Variants in MTA3 observed in about 807,000 individuals in gnomAD.
MTA3 encodes the protein metastasis-associated protein MTA3.
In MTA3, 34 loss-of-function variants were observed where a neutral mutation model predicts 83.5. The observed-to-expected ratio is 0.41, with a 90% CI of 0.31 to 0.54. MTA3 has a LOEUF of 0.54. Among genes scored for constraint, MTA3 ranks in the 20% least tolerant of loss-of-function variants. The pLI is 0.33. For missense variants in MTA3, 761 were observed against 726.4 expected, an observed-to-expected ratio of 1.05 and a Z score of -0.55; for synonymous variants, 303 against 252.7, an observed-to-expected ratio of 1.20 and a Z score of -1.89.
intron 2 of MTA3, among the ~76,000 whole-genome samples, chr2:42,506,044 C>T (rs762796249): frequency 1.3e-5 from 2 of 152,124 alleles, no homozygotes; most frequent in Non-Finnish European, 2.9e-5. Context: ...GGATTACAGG[C>T]ATGAGCTACC....
chr2:42,693,631 G>C (rs1362602832), intron 9 of MTA3, among the ~76,000 whole-genome samples: 1 of 151,580 alleles, frequency 6.6e-6, no homozygotes, highest in East Asian at 2.0e-4. Context: ...TCCGGCCTGG[G>C]ATCACCCTTC....
intron 2 of MTA3, among the ~76,000 whole-genome samples, chr2:42,546,061 C>G (rs1025260313): frequency 6.6e-6 from 1 of 152,170 alleles, no homozygotes; most frequent in African/African-American, 2.4e-5. Context: ...GGGCAATTGG[C>G]TGATCCGGGA....
intron 3 of MTA3, among the ~76,000 whole-genome samples, chr2:42,584,875 T>C (rs1310521696): frequency 1.3e-5 from 2 of 151,792 alleles, no homozygotes; most frequent in African/African-American, 2.4e-5. Context: ...AGGGAGACCC[T>C]TTCTCTTGGG....
At chr2:42,542,639 C>T (rs1048704493) in intron 2 of MTA3, among the ~76,000 whole-genome samples, 4 of 152,066 alleles carry the variant, frequency 2.6e-5, no homozygotes, top group African/African-American at 9.7e-5. Flanking sequence ...GCAACCTCCA[C>T]CTCCCGGGTT....
In MTA3 at chr2:42,659,462, G is replaced by A. The variant is rs117797632; in HGVS notation, c.603-301G>A. On this transcript the variant is annotated intron_variant, in intron 7 of 16. Coordinates refer to ENST00000405094, the MANE Select transcript of MTA3 (RefSeq NM_001330442.2). ...ATTTTTTGAGCCAATTTGAATAAAT[G>A]TTTTACTCCATGACATGTTATAACA... 53 of 160,196 alleles carry A rather than the reference G, an allele frequency of 3.3e-4. 1 individual carries two copies. The East Asian group carries it at 9.0e-3, about 27-fold the overall frequency. The allele number at this position is 160,196 out of a possible 1,614,324, so 9.9% of individuals were successfully genotyped here. A position where few individuals can be genotyped will look rare whatever the true frequency, so the allele number is the denominator to read the frequency against.
chr2:42,753,071 A>C (rs1293842759), intron 16 of MTA3, among the ~76,000 whole-genome samples: 2 of 152,136 alleles, frequency 1.3e-5, no homozygotes, highest in Non-Finnish European at 2.9e-5. Context: ...GACTACAGGC[A>C]TGCACCACCA....
chr2:42,572,183 G>A (rs1004118283), intron 2 of MTA3, among the ~76,000 whole-genome samples: 2 of 151,972 alleles, frequency 1.3e-5, no homozygotes, highest in African/African-American at 4.8e-5. Context: ...GGAGGCTGGG[G>A]CAGGAGAATG....
At chr2:42,535,339 A>C (rs1676178468) in intron 2 of MTA3, among the ~76,000 whole-genome samples, 1 of 152,158 alleles carries the variant, frequency 6.6e-6, no homozygotes, top group Non-Finnish European at 1.5e-5. Context: ...GTGAGCCAAG[A>C]TGGTGCCATT....
At chr2:42,568,630 C>A (rs1409662033), upstream of MTA3, 4 of 587,510 alleles carry the variant, frequency 6.8e-6, no homozygotes, top group East Asian at 4.8e-5. Flanking sequence ...CCCTTCCCCC[C>A]CGTGGCGAGG....
In MTA3 at chr2:42,627,949, A is replaced by G. The variant is rs560548921; in HGVS notation, c.318-12224A>G. 7.2e-5 allele frequency among the ~76,000 whole-genome samples: 11 copies of G among 151,848 alleles called. No homozygotes were observed. In the South Asian group the frequency reaches 1.5e-3, roughly 20 times the overall value. On this transcript the variant is annotated intron_variant, in intron 4 of 16. Coordinates refer to ENST00000405094, the MANE Select transcript of MTA3 (RefSeq NM_001330442.2). ...GCCCAGGCTGGAGTGCAGCGGCGCC[A>G]TCTTGGCTTACTGCAATCTCCGACT... is the stretch of plus-strand genomic sequence containing the variant.
intron 4 of MTA3, among the ~76,000 whole-genome samples, chr2:42,615,054 G>T (rs1182122486): frequency 6.6e-6 from 1 of 151,670 alleles, no homozygotes; most frequent in Non-Finnish European, 1.5e-5. Flanking sequence ...ACTTCTGGAG[G>T]CCGAGGCAGG....
chr2:42,559,330 T>G (rs969740370), intron 2 of MTA3, among the ~76,000 whole-genome samples: 2 of 145,676 alleles, frequency 1.4e-5, no homozygotes, highest in African/African-American at 2.5e-5. Context: ...GGTGAAACCC[T>G]GTCTCTACTA....
chr2:42,563,687 C>T (rs1208433157), upstream of MTA3, among the ~76,000 whole-genome samples: 4 of 151,862 alleles, frequency 2.6e-5, no homozygotes, highest in African/African-American at 9.7e-5. Context: ...AGGACGGTCT[C>T]GATCTCCTGA....
At chr2:42,545,117 C>T (rs1284151180) in intron 2 of MTA3, among the ~76,000 whole-genome samples, 3 of 152,160 alleles carry the variant, frequency 2.0e-5, no homozygotes, top group Admixed American at 6.6e-5. Context: ...GTTGCTCATG[C>T]TTGTAATCTC....
intron 14 of MTA3, among the ~76,000 whole-genome samples, chr2:42,716,154 A>C (rs1024458105): frequency 6.6e-6 from 1 of 152,144 alleles, no homozygotes; most frequent in African/African-American, 2.4e-5. Context: ...ATAGCTTAGT[A>C]ATTTATTTTT....
At chr2:42,634,404 C>G (rs527430878) in intron 4 of MTA3, among the ~76,000 whole-genome samples, 2 of 152,220 alleles carry the variant, frequency 1.3e-5, no homozygotes, top group South Asian at 4.1e-4. Context: ...AAGACTCAGG[C>G]AACTTACAAT....
intron 4 of MTA3, among the ~76,000 whole-genome samples, chr2:42,634,744 T>C (rs1302419905): frequency 6.6e-6 from 1 of 152,200 alleles, no homozygotes; most frequent in Admixed American, 6.5e-5. Flanking sequence ...GTTCCAACTC[T>C]GTAGTCATTT....
chr2:42,617,817 A>G (rs897623900), intron 4 of MTA3, among the ~76,000 whole-genome samples: 7 of 152,056 alleles, frequency 4.6e-5, no homozygotes, highest in African/African-American at 2.4e-5. Context: ...AAATTTGCAC[A>G]TTTGGACATC....
chr2:42,563,473 T>C (rs548652290), intron 2 of MTA3, among the ~76,000 whole-genome samples: 3 of 152,276 alleles, frequency 2.0e-5, no homozygotes, highest in Non-Finnish European at 2.9e-5. Flanking sequence ...CATTTATTTT[T>C]ATTTATTTTT....
Sources: allele counts gnomAD v4.1 joint callset (sites outside exome capture counted in the v4.1 genomes callset), GRCh38; gene constraint gnomAD v4.1.1; transcripts MANE v1.5; gene names NCBI Gene and HGNC (gene_info 2026-07-23, HGNC 2026-07-21).